TFDP2: variants seen among roughly 807,000 people sequenced by gnomAD.
The protein encoded by TFDP2 is transcription factor Dp-2.
Under a neutral mutation model 59.3 loss-of-function variants are expected in TFDP2, and 17 were observed. The observed-to-expected ratio is 0.29, with a 90% CI of 0.20 to 0.43. TFDP2 has a LOEUF of 0.43. Among genes scored for constraint, TFDP2 ranks in the 20% least tolerant of loss-of-function variants. The pLI is 1.00. For synonymous variants in TFDP2, 180 were observed against 194.7 expected (o/e 0.92, Z 0.63); for missense variants, 391 against 528.8 (o/e 0.74, Z 2.56).
chr3:142,046,993 G>GC (rs1230518534), intron 3 of TFDP2, among the ~76,000 whole-genome samples: 1 of 152,044 alleles, frequency 6.6e-6, no homozygotes, highest in African/African-American at 2.4e-5. Context: ...ATGTGCTCTT[G>GC]CCCCCCTTCA....
chr3:141,970,259 C>T, intron 8 of TFDP2, 118 bp from the exon 9 acceptor site: 2 of 882,622 alleles, frequency 2.3e-6, no homozygotes, highest in Non-Finnish European at 3.6e-6. Flanking sequence ...CCCATTTTAA[C>T]AATATGAATA....
chr3:142,108,660 C>T (rs145303201), intron 1 of TFDP2, among the ~76,000 whole-genome samples: 1 of 152,312 alleles, frequency 6.6e-6, no homozygotes, highest in Non-Finnish European at 1.5e-5. Flanking sequence ...CTAGCCTCTA[C>T]TGACAGATAT....
intron 6 of TFDP2, among the ~76,000 whole-genome samples, chr3:141,991,398 TAAATCAACAA>T (rs909272888): frequency 6.6e-5 from 10 of 152,234 alleles, no homozygotes; most frequent in African/African-American, 2.4e-4. Flanking sequence ...CCAGAACATT[TAAATCAACAA>T]AATATTTCAG....
chr3:142,060,250 C>A (rs889317725), intron 3 of TFDP2, among the ~76,000 whole-genome samples: 1 of 152,264 alleles, frequency 6.6e-6, no homozygotes, highest in South Asian at 2.1e-4. Flanking sequence ...TCAAGTGATC[C>A]TTCCACTTCA....
chr3:142,008,166 TG>T (rs1322513116), intron 3 of TFDP2, among the ~76,000 whole-genome samples: 1 of 152,078 alleles, frequency 6.6e-6, no homozygotes, highest in Non-Finnish European at 1.5e-5. Context: ...ATAATTGATC[TG>T]GGGTGAACCT....
rs765089189 is a variant in TFDP2, at chr3:141,968,313, CTATA to C, written c.732+1756_732+1759del. Among the ~76,000 whole-genome samples the C allele has an allele frequency of 6.3e-5, 7 of 111,966 alleles. No individual in the cohort carries two copies. The South Asian group carries it at 1.5e-3, about 24-fold the overall frequency. The allele number at this position is 111,966 out of a possible 152,430, so 73.5% of individuals were successfully genotyped here. A position where few individuals can be genotyped will look rare whatever the true frequency, so the allele number is the denominator to read the frequency against. On this transcript the variant is annotated intron_variant, in intron 9 of 12. Coordinates refer to ENST00000489671, the MANE Select transcript of TFDP2 (RefSeq NM_001178139.2). ...TATATATAATATATAATATATATAACTATATATAACATATAATATATATAATATA... is the reference window on the plus strand; with the variant it reads ...TATATATAATATATAATATATATAACTATAACATATAATATATATAATATA...
At chr3:142,062,682 G>A (rs1437163044) in intron 3 of TFDP2, among the ~76,000 whole-genome samples, 5 of 151,978 alleles carry the variant, frequency 3.3e-5, no homozygotes, top group African/African-American at 1.2e-4. Context: ...TTCACCAAAG[G>A]ACATGGACTA....
chr3:141,982,479 T>C (rs141476420), intron 6 of TFDP2, among the ~76,000 whole-genome samples: 216 of 152,202 alleles, frequency 1.4e-3, no homozygotes, highest in South Asian at 3.7e-3. Flanking sequence ...GTTCAACTGA[T>C]TGTGAACCAT....
intron 3 of TFDP2, among the ~76,000 whole-genome samples, chr3:142,010,305 T>G (rs1375629497): frequency 6.6e-6 from 1 of 152,118 alleles, no homozygotes; most frequent in Admixed American, 6.5e-5. Context: ...CGCTTGATTT[T>G]AATAATTAAA....
chr3:142,087,468 T>A (rs949146246), intron 3 of TFDP2, among the ~76,000 whole-genome samples: 1 of 152,050 alleles, frequency 6.6e-6, no homozygotes, highest in African/African-American at 2.4e-5. Context: ...ATGCAGCACA[T>A]GACTGCATTT....
chr3:142,000,199 T>C, intron 4 of TFDP2: 1 of 690,952 alleles, frequency 1.4e-6, no homozygotes, highest in Non-Finnish European at 2.6e-6. Context: ...TAAAGTCTTC[T>C]GCAAGGAGTA....
chr3:142,034,610 T>G (rs1379153185), intron 3 of TFDP2, among the ~76,000 whole-genome samples: 1 of 152,212 alleles, frequency 6.6e-6, no homozygotes, highest in East Asian at 1.9e-4. Flanking sequence ...AGCTCTGCCT[T>G]GATAAATCTA....
chr3:142,106,482 T>C (rs569339294), intron 1 of TFDP2, among the ~76,000 whole-genome samples: 10 of 152,338 alleles, frequency 6.6e-5, no homozygotes, highest in African/African-American at 2.4e-4. Flanking sequence ...ATCTATAAAT[T>C]ATTTGCATTG....
chr3:142,096,902 T>C (rs1422910645), intron 2 of TFDP2, among the ~76,000 whole-genome samples: 1 of 152,226 alleles, frequency 6.6e-6, no homozygotes, highest in Non-Finnish European at 1.5e-5. Flanking sequence ...CAAATGATTA[T>C]GTAAATTTAT....
chr3:142,131,705 GA>G (rs1007024886), intron 1 of TFDP2, among the ~76,000 whole-genome samples: 5 of 150,106 alleles, frequency 3.3e-5, no homozygotes, highest in Non-Finnish European at 5.9e-5. Context: ...CTATCAGAAA[GA>G]ATTAAAAACA....
intron 2 of TFDP2, among the ~76,000 whole-genome samples, chr3:142,101,371 A>AT (rs1207242538): frequency 2.0e-5 from 3 of 151,886 alleles, no homozygotes; most frequent in African/African-American, 7.3e-5. Context: ...AAAAAAAAAA[A>AT]AAATAAGCCA....
chr3:142,144,981 G>A (rs1560192752), intron 1 of TFDP2, among the ~76,000 whole-genome samples: 1 of 152,152 alleles, frequency 6.6e-6, no homozygotes, highest in Admixed American at 6.5e-5. Flanking sequence ...AAGGAATGGT[G>A]GCAGACTACG....
At chr3:141,964,199 G>A (rs1937613100) in intron 9 of TFDP2, among the ~76,000 whole-genome samples, 1 of 152,022 alleles carries the variant, frequency 6.6e-6, no homozygotes, top group Admixed American at 6.6e-5. Context: ...AGAACCAGTA[G>A]GCACCTGGAA....
intron 3 of TFDP2, among the ~76,000 whole-genome samples, chr3:142,085,306 C>T (rs1366851499): frequency 2.6e-5 from 4 of 152,144 alleles, no homozygotes; most frequent in Admixed American, 2.0e-4. Flanking sequence ...ATGGATACTC[C>T]ATTTACCATG....
Sources: gnomAD v4.1 joint callset for allele counts (sites outside exome capture counted in the v4.1 genomes callset) on GRCh38, gnomAD v4.1.1 for gene constraint, MANE v1.5 for transcripts, NCBI Gene and HGNC (gene_info 2026-07-23, HGNC 2026-07-21) for gene names.